NAALADL2: variants seen among roughly 807,000 people sequenced by gnomAD.
The protein encoded by NAALADL2 is inactive N-acetylated-alpha-linked acidic dipeptidase-like protein 2.
A neutral mutation model predicts 87.2 loss-of-function variants in NAALADL2; 76 were observed. That is an observed-to-expected ratio of 0.87 (90% CI 0.72 to 1.05). The LOEUF (loss-of-function observed/expected upper bound fraction) is 1.05. NAALADL2 is among the 50% of genes least tolerant of loss of function. The pLI, the probability that NAALADL2 is intolerant of heterozygous loss-of-function variation, is 0.00. For missense variants in NAALADL2, 1,089 were observed against 945.8 expected, an observed-to-expected ratio of 1.15 and a Z score of -1.99; for synonymous variants, 354 against 331.0, an observed-to-expected ratio of 1.07 and a Z score of -0.75.
At chr3:174,443,338 G>A (rs1327091819) in intron 1 of NAALADL2, among the ~76,000 whole-genome samples, 2 of 152,182 alleles carry the variant, frequency 1.3e-5, no homozygotes, top group African/African-American at 2.4e-5. Flanking sequence ...TTTTGAGGGT[G>A]TATTCCTCAG....
chr3:174,880,333 A>G (rs547959444), intron 1 of NAALADL2, among the ~76,000 whole-genome samples: 1 of 152,284 alleles, frequency 6.6e-6, no homozygotes, highest in African/African-American at 2.4e-5. Flanking sequence ...GCCTAAAACA[A>G]AACAAAACAA....
chr3:175,224,735 T>C (rs1382535012), intron 2 of NAALADL2, among the ~76,000 whole-genome samples: 2 of 152,200 alleles, frequency 1.3e-5, no homozygotes, highest in Non-Finnish European at 2.9e-5. Context: ...AAGAAACCTC[T>C]TTTTTCTTTC....
At chr3:174,712,737 C>G (rs546079276) in intron 2 of NAALADL2, among the ~76,000 whole-genome samples, 1 of 152,020 alleles carries the variant, frequency 6.6e-6, no homozygotes, top group African/African-American at 2.4e-5. Context: ...GAAGATATTC[C>G]TTTGATTTTA....
intron 3 of NAALADL2, among the ~76,000 whole-genome samples, chr3:174,769,376 G>T (rs902154224): frequency 6.6e-6 from 1 of 151,910 alleles, no homozygotes; most frequent in African/African-American, 2.4e-5. Context: ...ATTTGTGAAA[G>T]AATTTCCTGC....
At chr3:175,506,820 G>A (rs189527144) in intron 9 of NAALADL2, among the ~76,000 whole-genome samples, 10 of 152,170 alleles carry the variant, frequency 6.6e-5, no homozygotes, top group African/African-American at 7.2e-5. Context: ...TCCATACTTG[G>A]TTATTCACAT....
At chr3:175,486,214 T>A (rs547766377) in intron 9 of NAALADL2, among the ~76,000 whole-genome samples, 1 of 152,296 alleles carries the variant, frequency 6.6e-6, no homozygotes, top group African/African-American at 2.4e-5. Flanking sequence ...CAAGACTACA[T>A]CATATCTGAA....
Position 175,107,783 on chromosome 3 carries a change from T to G in NAALADL2, c.545+10492T>G, listed in dbSNP as rs530840757. 4.0e-5 allele frequency among the ~76,000 whole-genome samples: 6 copies of G among 151,844 alleles called. No homozygotes were observed. The South Asian group carries it at 1.2e-3, about 32-fold the overall frequency. On this transcript the variant is annotated intron_variant, in intron 2 of 13. Transcript: ENST00000454872. ...CAGATTTTTTTTAATGTGGTAATAT[T>G]AAGTCTATGAAAGCATAGAATTTGA...
At position 175,586,587 on chromosome 3, in the gene NAALADL2, C is replaced by T. The variant is rs1489782508; in HGVS notation, c.1800+10400C>T. ...GTTACAAGTGAAGAACATTTTAATTCTAAATAGTGCAATGTTTATGTAGTA... is the reference window on the plus strand; with the variant it reads ...GTTACAAGTGAAGAACATTTTAATTTTAAATAGTGCAATGTTTATGTAGTA... On this transcript the variant is annotated intron_variant, in intron 10 of 13. Coordinates refer to ENST00000454872, the MANE Select transcript of NAALADL2 (RefSeq NM_207015.3). Among the ~76,000 whole-genome samples the T allele has an allele frequency of 3.3e-5, 5 of 152,114 alleles. No homozygotes were observed. In the East Asian group the frequency reaches 5.8e-4, roughly 18 times the overall value.
At chr3:175,448,372 G>C (rs1721025955) in intron 6 of NAALADL2, among the ~76,000 whole-genome samples, 1 of 152,192 alleles carries the variant, frequency 6.6e-6, no homozygotes, top group South Asian at 2.1e-4. Context: ...TTGATTATGG[G>C]CTCTGTTTGT....
intron 5 of NAALADL2, among the ~76,000 whole-genome samples, chr3:175,409,459 G>A (rs1421295940): frequency 6.6e-6 from 1 of 151,692 alleles, no homozygotes; most frequent in African/African-American, 2.4e-5. Flanking sequence ...TACCCATATT[G>A]TTGACTCACC....
At chr3:175,393,078 T>G (rs1769267098) in intron 5 of NAALADL2, among the ~76,000 whole-genome samples, 1 of 151,558 alleles carries the variant, frequency 6.6e-6, no homozygotes, top group Admixed American at 6.6e-5. Context: ...ATCGAGACCA[T>G]CCTGGCTAAC....
intron 1 of NAALADL2, among the ~76,000 whole-genome samples, chr3:174,477,356 A>G (rs1577989605): frequency 6.6e-6 from 1 of 152,122 alleles, no homozygotes; most frequent in Non-Finnish European, 1.5e-5. Flanking sequence ...ATAAAACTGG[A>G]TGGAATAAAA....
chr3:175,521,718 T>C (rs1003059800), intron 9 of NAALADL2, among the ~76,000 whole-genome samples: 2 of 152,160 alleles, frequency 1.3e-5, no homozygotes, highest in South Asian at 2.1e-4. Flanking sequence ...GTGATGCTTC[T>C]ACAAGCTAAG....
chr3:175,511,708 T>C (rs539156408), intron 9 of NAALADL2, among the ~76,000 whole-genome samples: 1 of 152,214 alleles, frequency 6.6e-6, no homozygotes, highest in Non-Finnish European at 1.5e-5. Flanking sequence ...AAAGATTTAG[T>C]GACTTGCACC....
intron 3 of NAALADL2, among the ~76,000 whole-genome samples, chr3:174,826,637 T>A (rs1335732703): frequency 1.3e-5 from 2 of 152,236 alleles, no homozygotes; most frequent in African/African-American, 4.8e-5. Context: ...TACTTAACTT[T>A]TTTCAATATC....
intron 1 of NAALADL2, among the ~76,000 whole-genome samples, chr3:174,511,582 GT>G (rs1456969113): frequency 3.3e-5 from 5 of 151,030 alleles, no homozygotes; most frequent in South Asian, 4.2e-4. Context: ...ATGGTAAATA[GT>G]TTTTTTTAAT....
intron 5 of NAALADL2, 78 bp downstream of exon 5, chr3:175,324,403 C>A (rs1274686757): frequency 2.7e-6 from 3 of 1,125,516 alleles, no homozygotes; most frequent in African/African-American, 1.6e-5. Context: ...TGCTATCTAT[C>A]AGGAATAGTG....
At chr3:175,306,815 C>T (rs1757782797) in intron 4 of NAALADL2, among the ~76,000 whole-genome samples, 1 of 152,124 alleles carries the variant, frequency 6.6e-6, no homozygotes, top group Non-Finnish European at 1.5e-5. Flanking sequence ...CACTGCACTC[C>T]AACCTGGAAG....
At chr3:174,577,032 G>T (rs939914984) in intron 2 of NAALADL2, among the ~76,000 whole-genome samples, 1 of 151,984 alleles carries the variant, frequency 6.6e-6, no homozygotes, top group Non-Finnish European at 1.5e-5. Context: ...CATTTTAGCA[G>T]ATATTAAACG....
Sources: gnomAD v4.1 joint callset for allele counts (sites outside exome capture counted in the v4.1 genomes callset) on GRCh38, gnomAD v4.1.1 for gene constraint, MANE v1.5 for transcripts, NCBI Gene and HGNC (gene_info 2026-07-23, HGNC 2026-07-21) for gene names.